TENM2: variants seen among roughly 807,000 people sequenced by gnomAD.
The protein encoded by TENM2 is teneurin transmembrane protein 2, also known as teneurin-2.
TENM2 carries 52 observed loss-of-function variants against 245.2 expected under a neutral mutation model. The ratio of observed to expected loss-of-function variants is 0.21; its 90% CI spans 0.17 to 0.27. TENM2 has a LOEUF of 0.27. Ranked by LOEUF, TENM2 falls within the 10% of genes least tolerant of loss-of-function variation. The pLI is 1.00. For synonymous variants in TENM2, 1,363 were observed against 1,438.9 expected (o/e 0.95, Z 1.19); for missense variants, 3,046 against 3,666.8 (o/e 0.83, Z 4.37).
intron 22 of TENM2, 138 bp downstream of exon 24, chr5:168,217,060 C>T (rs1211461669): frequency 2.2e-6 from 2 of 915,744 alleles, no homozygotes; most frequent in East Asian, 2.5e-5. Flanking sequence ...TTGGAGAAAG[C>T]CTGAGATGAG....
At chr5:167,572,833 G>A (rs1774366684) in intron 2 of TENM2, among the ~76,000 whole-genome samples, 2 of 152,168 alleles carry the variant, frequency 1.3e-5, no homozygotes, top group South Asian at 4.1e-4. Context: ...TAGCAATAGT[G>A]ACTCAAAAAC....
At chr5:167,138,822 C>G in the TENM2 span, among the ~76,000 whole-genome samples, 1 of 152,034 alleles carries the variant, frequency 6.6e-6, no homozygotes, top group Non-Finnish European at 1.5e-5. Context: ...AGCGTTTCAC[C>G]ATGTTGGCCA....
At chr5:167,725,597 C>T (rs959488877) in intron 2 of TENM2, among the ~76,000 whole-genome samples, 3 of 152,176 alleles carry the variant, frequency 2.0e-5, no homozygotes, top group Admixed American at 6.5e-5. Context: ...CTCCCTCCCT[C>T]CCTGTTTCTG....
At chr5:167,151,791 A>G in the TENM2 span, among the ~76,000 whole-genome samples, 2 of 152,200 alleles carry the variant, frequency 1.3e-5, no homozygotes, top group Non-Finnish European at 2.9e-5. Context: ...TGGTGGAACT[A>G]TAGGCGTGAG....
intron 14 of TENM2, among the ~76,000 whole-genome samples, chr5:168,193,671 G>C (rs1369590330): frequency 6.6e-6 from 1 of 152,144 alleles, no homozygotes; most frequent in Non-Finnish European, 1.5e-5. Context: ...AGGGTGGGGG[G>C]ACTCCATTGT....
At chr5:167,265,113 G>T in the TENM2 span, among the ~76,000 whole-genome samples, 1 of 151,618 alleles carries the variant, frequency 6.6e-6, no homozygotes, top group African/African-American at 2.4e-5. Flanking sequence ...GGATCATGAC[G>T]TCAGGAGTTC....
At chr5:167,125,917 A>C in the TENM2 span, among the ~76,000 whole-genome samples, 2 of 152,180 alleles carry the variant, frequency 1.3e-5, no homozygotes, top group Non-Finnish European at 2.9e-5. Flanking sequence ...AATATTCTAA[A>C]ATACTTTTTC....
intron 2 of TENM2, among the ~76,000 whole-genome samples, chr5:167,584,410 G>T (rs1438168634): frequency 1.3e-5 from 2 of 152,100 alleles, no homozygotes; most frequent in Non-Finnish European, 2.9e-5. Flanking sequence ...ATGCTGAAGT[G>T]AAGTTACAAA....
At chr5:167,307,165 A>G (rs1755728650) in intron 1 of TENM2, among the ~76,000 whole-genome samples, 1 of 152,188 alleles carries the variant, frequency 6.6e-6, no homozygotes, top group African/African-American at 2.4e-5. Context: ...TACAGCTATT[A>G]AGACAATGCA....
In TENM2 at chr5:167,880,079, C is replaced by G. The variant is rs1428724824; in HGVS notation, c.712+3884C>G. Among the ~76,000 whole-genome samples the G allele has an allele frequency of 4.6e-5, 7 of 152,054 alleles. No individual in the cohort carries two copies. The East Asian group carries it at 5.8e-4, about 13-fold the overall frequency. On this transcript the variant is annotated intron_variant, in intron 3 of 28. Coordinates refer to ENST00000518659, the Ensembl canonical transcript of TENM2. ...ATTTTTGAGACAAAGTCTTGCTGAT[C>G]CAGGCTGGAGTGGCGTGATCTTGGC...
the TENM2 span, among the ~76,000 whole-genome samples, chr5:167,193,310 G>T: frequency 6.6e-6 from 1 of 151,982 alleles, no homozygotes; most frequent in Non-Finnish European, 1.5e-5. Flanking sequence ...ATCACCATAG[G>T]TGTGCAATTC....
At chr5:168,238,181 G>A (rs1235062045) in intron 25 of TENM2, among the ~76,000 whole-genome samples, 7 of 59,468 alleles carry the variant, frequency 1.2e-4, no homozygotes, top group African/African-American at 1.8e-4. Flanking sequence ...GAGAGAGAGA[G>A]AGAGGGAGGG....
At chr5:168,118,405 C>G in exon 10 of TENM2, 8 of 1,611,518 alleles carry the variant, frequency 5.0e-6, no homozygotes, top group Non-Finnish European at 6.8e-6. Flanking sequence ...GTGCATCGAT[C>G]CTTCCTGCGG....
chr5:167,447,577 T>G (rs1440595924), intron 2 of TENM2, among the ~76,000 whole-genome samples: 1 of 152,178 alleles, frequency 6.6e-6, no homozygotes, highest in African/African-American at 2.4e-5. Context: ...TAAAGTTTTA[T>G]TTCCAGTAAA....
At chr5:167,753,142 T>C (rs1239457129) in intron 2 of TENM2, among the ~76,000 whole-genome samples, 1 of 152,198 alleles carries the variant, frequency 6.6e-6, no homozygotes, top group Non-Finnish European at 1.5e-5. Flanking sequence ...TTTGAGATTA[T>C]GCAATTTAAG....
the TENM2 span, among the ~76,000 whole-genome samples, chr5:167,147,347 T>A: frequency 6.6e-6 from 1 of 152,204 alleles, no homozygotes. Flanking sequence ...CCAAACTGCT[T>A]TGTGCCTTTA....
At chr5:167,505,438 C>T (rs1769478944) in intron 2 of TENM2, among the ~76,000 whole-genome samples, 1 of 152,020 alleles carries the variant, frequency 6.6e-6, no homozygotes, top group Non-Finnish European at 1.5e-5. Context: ...ATATTTAAAG[C>T]ACAGAGACCT....
At chr5:168,248,403 G>T in intron 27 of TENM2, 32 bp downstream of exon 29, 1 of 1,589,660 alleles carries the variant, frequency 6.3e-7, no homozygotes, top group Non-Finnish European at 8.6e-7. Flanking sequence ...GTGGGCAGTG[G>T]CTCCCTCCAG....
At chr5:168,017,618 G>A (rs867776567) in intron 5 of TENM2, among the ~76,000 whole-genome samples, 1 of 152,190 alleles carries the variant, frequency 6.6e-6, no homozygotes, top group Non-Finnish European at 1.5e-5. Context: ...AAAGAAAGAA[G>A]TATTACAAGG....
Sources: gnomAD v4.1 joint callset for allele counts (sites outside exome capture counted in the v4.1 genomes callset) on GRCh38, gnomAD v4.1.1 for gene constraint, MANE v1.5 for transcripts, NCBI Gene and HGNC (gene_info 2026-07-23, HGNC 2026-07-21) for gene names.